Variants in CHST8 observed in about 807,000 individuals in gnomAD.
The protein encoded by CHST8 is carbohydrate sulfotransferase 8, also known as GALNAC-4-ST1.
Under a neutral mutation model 15.0 loss-of-function variants are expected in CHST8, and 10 were observed. That is an observed-to-expected ratio of 0.67 (90% CI 0.41 to 1.13). The LOEUF (loss-of-function observed/expected upper bound fraction) is 1.13, where lower values mean the gene tolerates loss of function less well. Ranked by LOEUF, CHST8 falls within the 50% of genes most tolerant of loss-of-function variation. The pLI is 0.00. For synonymous variants in CHST8, 259 were observed against 256.6 expected (o/e 1.01, Z -0.09); for missense variants, 634 against 608.2 (o/e 1.04, Z -0.45).
Position 33,772,320 on chromosome 19 carries a change from C to A in CHST8, c.532C>A (p.Pro178Thr), listed in dbSNP as rs1182017313. Residue 178 changes from proline (P) to threonine (T), a missense_variant, in exon 5 of 5, where the codon CCC (proline) becomes ACC (threonine). Coordinates refer to ENST00000650847, the MANE Select transcript of CHST8 (RefSeq NM_001127895.2). Reference sequence around the variant, plus strand: ...GAGCAGCAGCCGCCGGGCCGTCACGCCCCGCCACGTGTCCCGTATCTTCGT... The same window carrying A: ...GAGCAGCAGCCGCCGGGCCGTCACGACCCGCCACGTGTCCCGTATCTTCGT... ...RASSSRRAVTPRHVSRIFVED... is the reference protein window; with the variant it reads ...RASSSRRAVTTRHVSRIFVED... 11 of 1,604,830 alleles carry A rather than the reference C, an allele frequency of 6.9e-6. No homozygotes were observed. Among genetic ancestry groups the A allele is most frequent in the Non-Finnish European group, 8.5e-6 (10 of 1,179,240 alleles).
At chr19:33,723,496 G>C (rs1442255282) in intron 3 of CHST8, among the ~76,000 whole-genome samples, 1 of 152,216 alleles carries the variant, frequency 6.6e-6, no homozygotes, top group Non-Finnish European at 1.5e-5. Flanking sequence ...CCAGCAGGCT[G>C]TCCTTCCCTG....
intron 3 of CHST8, among the ~76,000 whole-genome samples, chr19:33,746,122 A>C (rs2145348732): frequency 6.6e-6 from 1 of 152,336 alleles, no homozygotes; most frequent in East Asian, 1.9e-4. Flanking sequence ...ATTTGGTGTT[A>C]CTGAGATACA....
In CHST8 at chr19:33,749,402, T is replaced by C. The variant is rs562026277; in HGVS notation, c.131-22011T>C. On this transcript the variant is annotated intron_variant, in intron 3 of 4. Transcript: ENST00000650847. ...CCATCCTCCTACCATCCCCCCTCCATCCTCCTATCATCCCCCCTCCATCCT... is the reference window on the plus strand; with the variant it reads ...CCATCCTCCTACCATCCCCCCTCCACCCTCCTATCATCCCCCCTCCATCCT... 5.5e-4 allele frequency among the ~76,000 whole-genome samples: 39 copies of C among 70,688 alleles called. No homozygotes were observed. The East Asian group carries it at 0.013, about 23-fold the overall frequency. 46.4% of individuals were successfully genotyped at this position (70,688 alleles called of 152,430 possible). A position where few individuals can be genotyped will look rare whatever the true frequency, so the allele number is the denominator to read the frequency against.
At position 33,770,064 on chromosome 19, in the gene CHST8, C is replaced by A. The variant is rs116948109; in HGVS notation, c.131-1349C>A. Among the ~76,000 whole-genome samples, 841 of 152,258 alleles carry A rather than the reference C, an allele frequency of 5.5e-3. 8 individuals carry two copies. Among genetic ancestry groups the A allele is most frequent in the South Asian group, 0.013 (63 of 4,822 alleles). On this transcript the variant is annotated intron_variant, in intron 3 of 4. Coordinates refer to ENST00000650847, the MANE Select transcript of CHST8 (RefSeq NM_001127895.2). Reference sequence around the variant, plus strand: ...CCTGCTAATGACTGAAGGAGACGTGCGGGCACGGCCTCAGCCTTACATTGT... The same window carrying A: ...CCTGCTAATGACTGAAGGAGACGTGAGGGCACGGCCTCAGCCTTACATTGT...
At chr19:33,751,601 C>T (rs1252402527) in intron 3 of CHST8, among the ~76,000 whole-genome samples, 1 of 152,172 alleles carries the variant, frequency 6.6e-6, no homozygotes, top group Non-Finnish European at 1.5e-5. Context: ...CCCCAGCCTC[C>T]TGCCTGACCG....
intron 3 of CHST8, among the ~76,000 whole-genome samples, chr19:33,746,176 A>G (rs1169229971): frequency 6.6e-6 from 1 of 152,246 alleles, no homozygotes; most frequent in African/African-American, 2.4e-5. Flanking sequence ...TTTAAAAAAC[A>G]TGGCACTTTA....
intron 3 of CHST8, among the ~76,000 whole-genome samples, chr19:33,739,908 G>A (rs369877534): frequency 5.9e-5 from 9 of 152,220 alleles, no homozygotes; most frequent in Admixed American, 3.9e-4. Flanking sequence ...CCTGGTGAGC[G>A]GTGCCTCCTC....
intron 3 of CHST8, among the ~76,000 whole-genome samples, chr19:33,726,618 G>C (rs1395099085): frequency 1.3e-5 from 2 of 152,134 alleles, no homozygotes; most frequent in Non-Finnish European, 2.9e-5. Context: ...ACTCCCTCTG[G>C]GTGGCTCACA....
chr19:33,668,519 G>A (rs1972692878), intron 2 of CHST8, among the ~76,000 whole-genome samples: 1 of 152,162 alleles, frequency 6.6e-6, no homozygotes, highest in Non-Finnish European at 1.5e-5. Context: ...ACCTACCCCA[G>A]AAGTGGTCAT....
chr19:33,736,983 T>G (rs1392401904), intron 3 of CHST8, among the ~76,000 whole-genome samples: 1 of 152,140 alleles, frequency 6.6e-6, no homozygotes, highest in Non-Finnish European at 1.5e-5. Context: ...CCTAAGATGC[T>G]AATTATAATA....
chr19:33,751,962 G>A (rs921010265), intron 3 of CHST8, among the ~76,000 whole-genome samples: 1 of 152,176 alleles, frequency 6.6e-6, no homozygotes, highest in Non-Finnish European at 1.5e-5. Context: ...TAGCAGCGTG[G>A]TGTTTCCCCC....
intron 1 of CHST8, among the ~76,000 whole-genome samples, chr19:33,665,612 G>C (rs1295188545): frequency 6.6e-6 from 1 of 152,024 alleles, no homozygotes; most frequent in Non-Finnish European, 1.5e-5. Context: ...CATGTCGAAA[G>C]GATTGTTTGA....
rs2145399064 is a variant in CHST8 at position 33,772,359 on chromosome 19, C to T, written c.571C>T (p.Arg191Cys). 1 of 1,607,614 alleles carries T rather than the reference C, an allele frequency of 6.2e-7. No individual in the cohort carries two copies. The highest frequency in any genetic ancestry group is 1.1e-5 in the South Asian group (1 of 90,928). The stretch of plus-strand genomic sequence containing the variant: ...CCGTATCTTCGTGGAGGACCGCCAC[C>T]GCGTGCTCTACTGCGAGGTGCCCAA... ...VSRIFVEDRHRVLYCEVPKAG... is the reference protein window; with the variant it reads ...VSRIFVEDRHCVLYCEVPKAG... Residue 191 changes from arginine (R) to cysteine (C), a missense_variant, in exon 5 of 5, where the codon CGC (arginine) becomes TGC (cysteine). Physicochemically the swap from Arg to Cys is radical, Grantham distance 180. Coordinates refer to ENST00000650847, the MANE Select transcript of CHST8 (RefSeq NM_001127895.2).
chr19:33,685,426 G>A (rs1212889892), intron 2 of CHST8, among the ~76,000 whole-genome samples: 1 of 151,894 alleles, frequency 6.6e-6, no homozygotes, highest in Non-Finnish European at 1.5e-5. Context: ...CCACCAGGAG[G>A]ACTAGGAATT....
intron 3 of CHST8, among the ~76,000 whole-genome samples, chr19:33,762,550 G>C (rs1336742854): frequency 1.3e-5 from 2 of 152,268 alleles, no homozygotes; most frequent in East Asian, 3.8e-4. Flanking sequence ...GGAAGATGCA[G>C]GCTCCGCTCC....
intron 3 of CHST8, among the ~76,000 whole-genome samples, chr19:33,703,659 G>A (rs986546948): frequency 6.6e-6 from 1 of 152,188 alleles, no homozygotes; most frequent in African/African-American, 2.4e-5. Flanking sequence ...GTGCCTTTAG[G>A]GTCACTGCAG....
intron 2 of CHST8, among the ~76,000 whole-genome samples, chr19:33,676,389 G>C (rs1972809450): frequency 6.6e-6 from 1 of 152,096 alleles, no homozygotes; most frequent in Non-Finnish European, 1.5e-5. Context: ...GGCCAACACA[G>C]TGAAACCCCA....
chr19:33,751,874 C>T (rs760172234), intron 3 of CHST8, among the ~76,000 whole-genome samples: 2 of 152,174 alleles, frequency 1.3e-5, no homozygotes, highest in African/African-American at 2.4e-5. Flanking sequence ...ATGGGGCCTG[C>T]GGCACCAGCT....
chr19:33,651,376 A>AG (rs1024402345), intron 1 of CHST8, among the ~76,000 whole-genome samples: 78 of 152,158 alleles, frequency 5.1e-4, no homozygotes, highest in African/African-American at 1.8e-3. Flanking sequence ...TAAACTTAAA[A>AG]AAAAGCGTCC....
Sources: gnomAD v4.1 joint callset for allele counts (sites outside exome capture counted in the v4.1 genomes callset) on GRCh38, gnomAD v4.1.1 for gene constraint, MANE v1.5 for transcripts, NCBI Gene and HGNC (gene_info 2026-07-23, HGNC 2026-07-21) for gene names.